Variants in SCN8A observed in about 807,000 individuals in gnomAD.
SCN8A encodes the protein sodium voltage-gated channel alpha subunit 8.
Under a neutral mutation model 184.1 loss-of-function variants are expected in SCN8A, and 30 were observed. The ratio of observed to expected loss-of-function variants is 0.16; its 90% CI spans 0.12 to 0.22. SCN8A has a LOEUF of 0.22. Ranked by LOEUF, SCN8A falls within the 10% of genes least tolerant of loss-of-function variation. The probability of loss-of-function intolerance (pLI) is 1.00; values close to 1 mark genes in which losing one functional copy is unlikely to be tolerated. For synonymous variants in SCN8A, 852 were observed against 907.0 expected (o/e 0.94, Z 1.09); for missense variants, 1,057 against 2,498.9 (o/e 0.42, Z 12.30).
rs1182091788 is a variant in SCN8A at position 51,591,235 on chromosome 12, G to A, written c.-179G>A. The A allele has an allele frequency of 2.0e-5, 3 of 151,300 alleles. No homozygotes were observed. Among genetic ancestry groups the A allele is most frequent in the Non-Finnish European group, 4.4e-5 (3 of 67,660 alleles). The allele number at this position is 151,300 out of a possible 1,614,324, so 9.4% of individuals were successfully genotyped here. ...CGGGCGGTGCGGGGGGCGGGCGCGG[G>A]GAGCGCTCCAAGATGGCGCCCACCG... On this transcript the variant is annotated 5_prime_UTR_variant, in exon 1 of 27. Coordinates refer to ENST00000627620, the MANE Select transcript of SCN8A (RefSeq NM_001330260.2).
In SCN8A at chr12:51,794,475, A is replaced by G; in HGVS notation, c.4629A>G (p.Thr1543=). ...CLNMVTMMVE[T]DTQSKQMENI... is the part of the protein sequence containing the mutation. The stretch of plus-strand genomic sequence containing the variant: ...ACATGGTGACAATGATGGTGGAGAC[A>G]GACACTCAAAGCAAGCAGATGGAGA... The change falls in exon 26 of 27, where the codon ACA becomes ACG. Residue 1543 remains threonine (T), a synonymous_variant. Transcript: ENST00000627620. 1.2e-6 allele frequency: 2 copies of G among 1,614,030 alleles called. No homozygotes were observed. Among genetic ancestry groups the G allele is most frequent in the Non-Finnish European group, 1.7e-6 (2 of 1,179,888 alleles).
chr12:51,782,121 G>A (rs1937942736), intron 21 of SCN8A, among the ~76,000 whole-genome samples: 1 of 152,340 alleles, frequency 6.6e-6, no homozygotes, highest in African/African-American at 2.4e-5. Context: ...TGTACTAAAT[G>A]TAAGCTTTCT....
intron 2 of SCN8A, 77 bp downstream of exon 2, chr12:51,663,170 G>A (rs547618200): frequency 1.3e-6 from 2 of 1,515,808 alleles, no homozygotes; most frequent in South Asian, 2.5e-5. Context: ...AAAGAACTGT[G>A]TCTCTTTGCC....
At chr12:51,610,789 A>G (rs889471393) in intron 1 of SCN8A, among the ~76,000 whole-genome samples, 2 of 152,164 alleles carry the variant, frequency 1.3e-5, no homozygotes, top group East Asian at 1.9e-4. Context: ...GTTTTCCTTT[A>G]TAGGTTACCT....
intron 16 of SCN8A, among the ~76,000 whole-genome samples, chr12:51,768,519 G>A (rs536317020): frequency 2.0e-4 from 30 of 152,168 alleles, no homozygotes; most frequent in African/African-American, 6.3e-4. Flanking sequence ...ACCCTCCCCA[G>A]TAATGTATAT....
chr12:51,633,097 G>A (rs1328212604), intron 1 of SCN8A, among the ~76,000 whole-genome samples: 2 of 152,204 alleles, frequency 1.3e-5, no homozygotes, highest in Admixed American at 6.5e-5. Context: ...TCGATCATCT[G>A]TATAGAGAAA....
intron 2 of SCN8A, among the ~76,000 whole-genome samples, chr12:51,675,229 T>C (rs760208973): frequency 2.0e-5 from 3 of 152,290 alleles, no homozygotes; most frequent in African/African-American, 4.8e-5. Flanking sequence ...TGGCTCAGCA[T>C]TGAAGCAGGT....
intron 1 of SCN8A, among the ~76,000 whole-genome samples, chr12:51,634,529 G>A (rs1288060622): frequency 5.9e-5 from 9 of 152,072 alleles, no homozygotes; most frequent in Non-Finnish European, 1.0e-4. Context: ...GCAAAGGAAA[G>A]AACATGGATG....
intron 1 of SCN8A, among the ~76,000 whole-genome samples, chr12:51,649,383 G>T (rs1940660150): frequency 6.6e-6 from 1 of 152,242 alleles, no homozygotes; most frequent in African/African-American, 2.4e-5. Context: ...TAGGGATTCT[G>T]TCTGAGGGCT....
intron 12 of SCN8A, among the ~76,000 whole-genome samples, chr12:51,723,441 A>G (rs1425629785): frequency 2.6e-5 from 4 of 152,242 alleles, no homozygotes; most frequent in Admixed American, 6.5e-5. Flanking sequence ...ACAATGAGCT[A>G]TGATCACTAC....
At chr12:51,640,047 G>T (rs982059810) in intron 1 of SCN8A, among the ~76,000 whole-genome samples, 1 of 147,230 alleles carries the variant, frequency 6.8e-6, no homozygotes, top group Non-Finnish European at 1.5e-5. Context: ...GGGACTATGG[G>T]TGTGCACCAC....
intron 12 of SCN8A, among the ~76,000 whole-genome samples, chr12:51,731,962 G>C (rs765694307): frequency 2.6e-5 from 4 of 152,090 alleles, no homozygotes; most frequent in African/African-American, 7.2e-5. Flanking sequence ...TATATATTCT[G>C]GTTACTAATC....
intron 11 of SCN8A, among the ~76,000 whole-genome samples, chr12:51,720,095 A>AAG (rs1942027801): frequency 6.7e-6 from 1 of 150,174 alleles, no homozygotes; most frequent in African/African-American, 2.4e-5. Flanking sequence ...AAAAAAAAAA[A>AAG]GAATTCTTTA....
intron 2 of SCN8A, among the ~76,000 whole-genome samples, chr12:51,669,237 G>T (rs116976054): frequency 3.3e-5 from 5 of 152,172 alleles, no homozygotes; most frequent in Non-Finnish European, 5.9e-5. Flanking sequence ...GTTATGTGGT[G>T]TCTGACTATA....
At chr12:51,631,607 G>A (rs985432438) in intron 1 of SCN8A, among the ~76,000 whole-genome samples, 2 of 152,210 alleles carry the variant, frequency 1.3e-5, no homozygotes, top group Admixed American at 6.5e-5. Flanking sequence ...GCTGGTTCAT[G>A]TCTAAGATGC....
At chr12:51,643,839 G>C in intron 1 of SCN8A, among the ~76,000 whole-genome samples, 1 of 152,198 alleles carries the variant, frequency 6.6e-6, no homozygotes. Context: ...ATGACAGACA[G>C]ATAATGACTT....
intron 14 of SCN8A, among the ~76,000 whole-genome samples, chr12:51,760,512 T>G (rs1942746728): frequency 6.6e-6 from 1 of 152,200 alleles, no homozygotes; most frequent in Non-Finnish European, 1.5e-5. Flanking sequence ...AGCCAGTGCT[T>G]CTTCATGAGC....
intron 11 of SCN8A, among the ~76,000 whole-genome samples, chr12:51,710,624 A>G (rs1363775326): frequency 6.6e-6 from 1 of 151,928 alleles, no homozygotes; most frequent in Non-Finnish European, 1.5e-5. Context: ...TTACCACTAC[A>G]CTCCTGCTTG....
At chr12:51,732,938 T>C (rs1043377590) in intron 12 of SCN8A, among the ~76,000 whole-genome samples, 1 of 152,212 alleles carries the variant, frequency 6.6e-6, no homozygotes, top group African/African-American at 2.4e-5. Context: ...AATTTATCAG[T>C]TCTAAGAGTT....
Sources: allele counts gnomAD v4.1 joint callset (sites outside exome capture counted in the v4.1 genomes callset), GRCh38; gene constraint gnomAD v4.1.1; transcripts MANE v1.5; gene names NCBI Gene and HGNC (gene_info 2026-07-23, HGNC 2026-07-21).